The following CPNE4 variants were observed in gnomAD, a reference collection of about 807,000 sequenced individuals.
CPNE4 encodes copine 4, also known as copine-4.
CPNE4 carries 25 observed loss-of-function variants against 67.9 expected under a neutral mutation model. The ratio of observed to expected loss-of-function variants is 0.37; its 90% CI spans 0.27 to 0.51. CPNE4 has a LOEUF of 0.51. Among genes scored for constraint, CPNE4 ranks in the 20% least tolerant of loss-of-function variants. The pLI is 0.93. For synonymous variants in CPNE4, 242 were observed against 244.9 expected, an observed-to-expected ratio of 0.99 and a Z score of 0.11; for missense variants, 464 against 690.8, an observed-to-expected ratio of 0.67 and a Z score of 3.68.
rs568834108 is a variant in CPNE4, at chr3:131,865,282, T to C, written c.180+39982A>G. Among the ~76,000 whole-genome samples the C allele has an allele frequency of 2.0e-4, 31 of 152,334 alleles. 1 individual carries two copies. Among genetic ancestry groups the C allele is most frequent in the Non-Finnish European group, 1.3e-4 (9 of 68,032 alleles). ...ATTGGAATAGTTTCAGAAGGAATGG[T>C]ACCAGCTCCTCCTTGTACCTCTGGT... On this transcript the variant is annotated intron_variant, in intron 2 of 15. Coordinates refer to ENST00000429747, the MANE Select transcript of CPNE4 (RefSeq NM_130808.3).
intron 2 of CPNE4, among the ~76,000 whole-genome samples, chr3:131,844,926 A>C (rs2085940172): frequency 6.6e-6 from 1 of 152,236 alleles, no homozygotes; most frequent in South Asian, 2.1e-4. Flanking sequence ...CTCTTCAAAA[A>C]GTGCAATTAC....
At chr3:131,755,265 T>TA (rs1273661912) in intron 2 of CPNE4, among the ~76,000 whole-genome samples, 1 of 151,758 alleles carries the variant, frequency 6.6e-6, no homozygotes, top group Non-Finnish European at 1.5e-5. Flanking sequence ...TGTGAGTACA[T>TA]AATCTGCTAT....
intron 1 of CPNE4, among the ~76,000 whole-genome samples, chr3:132,024,866 A>G (rs1310876180): frequency 2.6e-5 from 4 of 152,182 alleles, no homozygotes; most frequent in Non-Finnish European, 5.9e-5. Context: ...TTTACCACTA[A>G]TGCTGTTCTC....
At chr3:131,775,579 C>T (rs1026158859) in intron 2 of CPNE4, among the ~76,000 whole-genome samples, 1 of 152,044 alleles carries the variant, frequency 6.6e-6, no homozygotes, top group Non-Finnish European at 1.5e-5. Flanking sequence ...GTGAGTAAGT[C>T]TCATGAGATC....
intron 2 of CPNE4, among the ~76,000 whole-genome samples, chr3:131,859,022 G>C (rs1311185150): frequency 6.6e-6 from 1 of 152,114 alleles, no homozygotes; most frequent in Non-Finnish European, 1.5e-5. Context: ...GTCTAACGAA[G>C]CTAGTGGAGC....
At chr3:131,694,895 A>G (rs144167145) in intron 5 of CPNE4, among the ~76,000 whole-genome samples, 77 of 152,342 alleles carry the variant, frequency 5.1e-4, no homozygotes, top group African/African-American at 1.7e-3. Flanking sequence ...CCTCACAATC[A>G]TTAGCTATAA....
chr3:131,561,146 A>C (rs1936739574), intron 11 of CPNE4, among the ~76,000 whole-genome samples: 2 of 152,052 alleles, frequency 1.3e-5, no homozygotes, highest in South Asian at 4.1e-4. Context: ...ATTTCCAGGA[A>C]ATGTACACAT....
At chr3:131,895,001 T>C (rs1397835726) in intron 2 of CPNE4, among the ~76,000 whole-genome samples, 1 of 152,036 alleles carries the variant, frequency 6.6e-6, no homozygotes, top group Non-Finnish European at 1.5e-5. Context: ...TAGTGTGATA[T>C]ATTTGCACAA....
intron 2 of CPNE4, among the ~76,000 whole-genome samples, chr3:131,867,130 T>C (rs1022671493): frequency 2.0e-5 from 3 of 152,230 alleles, no homozygotes; most frequent in African/African-American, 7.2e-5. Flanking sequence ...AAAAGTTTGT[T>C]GCCAGTGTTC....
Position 131,887,610 on chromosome 3 carries a change from C to T in CPNE4, c.180+17654G>A, listed in dbSNP as rs533177503. On this transcript the variant is annotated intron_variant, in intron 2 of 15. Transcript: ENST00000429747. ...TATTATTTCCAGAGGTGGTAGACTT[C>T]ACTTTGTATTTTCTTCTTGTTGTAC... Among the ~76,000 whole-genome samples the T allele has an allele frequency of 3.3e-5, 5 of 152,248 alleles. No homozygotes were observed. In the East Asian group the frequency reaches 9.6e-4, roughly 29 times the overall value.
At chr3:131,717,452 A>G (rs2081728114) in intron 3 of CPNE4, among the ~76,000 whole-genome samples, 1 of 152,176 alleles carries the variant, frequency 6.6e-6, no homozygotes, top group Non-Finnish European at 1.5e-5. Context: ...ATAGGGATTA[A>G]GCTCCCACAT....
intron 7 of CPNE4, among the ~76,000 whole-genome samples, chr3:131,609,158 C>T (rs1175506461): frequency 1.3e-5 from 2 of 152,102 alleles, no homozygotes; most frequent in Non-Finnish European, 2.9e-5. Flanking sequence ...TATATTTACC[C>T]CCAAAACCGT....
intron 3 of CPNE4, among the ~76,000 whole-genome samples, chr3:131,706,005 C>G (rs1456058012): frequency 1.3e-5 from 2 of 152,176 alleles, no homozygotes; most frequent in African/African-American, 4.8e-5. Context: ...CAGGTGGCAG[C>G]CAGGAGAAAG....
chr3:131,600,220 G>A (rs771351349), intron 7 of CPNE4, among the ~76,000 whole-genome samples: 32 of 152,098 alleles, frequency 2.1e-4, no homozygotes, highest in Non-Finnish European at 4.3e-4. Context: ...GACTCTCCCT[G>A]GTTTATGGGT....
At chr3:132,009,443 T>C (rs2073693335) in intron 1 of CPNE4, among the ~76,000 whole-genome samples, 2 of 152,320 alleles carry the variant, frequency 1.3e-5, no homozygotes, top group East Asian at 1.9e-4. Flanking sequence ...TGAAGCATTT[T>C]ACTGCCTAAG....
chr3:131,544,585 G>A (rs991382534), intron 14 of CPNE4, among the ~76,000 whole-genome samples: 5 of 152,190 alleles, frequency 3.3e-5, no homozygotes, highest in Admixed American at 6.5e-5. Flanking sequence ...AGTTGTATAT[G>A]TTCACAAGGA....
chr3:131,780,642 G>A (rs1426262590), intron 2 of CPNE4, among the ~76,000 whole-genome samples: 1 of 152,020 alleles, frequency 6.6e-6, no homozygotes, highest in African/African-American at 2.4e-5. Flanking sequence ...CGCAAAGAGA[G>A]GAAAAATAGA....
At chr3:132,023,523 T>C (rs2074046446) in intron 1 of CPNE4, among the ~76,000 whole-genome samples, 1 of 132,476 alleles carries the variant, frequency 7.5e-6, no homozygotes, top group Admixed American at 8.1e-5. Context: ...AGTCTCGCTC[T>C]GTCGCCCAGG....
intron 1 of CPNE4, among the ~76,000 whole-genome samples, chr3:131,928,835 T>C (rs1226176109): frequency 1.3e-5 from 2 of 152,272 alleles, no homozygotes; most frequent in African/African-American, 2.4e-5. Flanking sequence ...GACACCTTTG[T>C]CGGGACATGA....
Sources: gnomAD v4.1 joint callset for allele counts (sites outside exome capture counted in the v4.1 genomes callset) on GRCh38, gnomAD v4.1.1 for gene constraint, MANE v1.5 for transcripts, NCBI Gene and HGNC (gene_info 2026-07-23, HGNC 2026-07-21) for gene names.